ZFPM2: variants seen among roughly 807,000 people sequenced by gnomAD.
ZFPM2 encodes the protein zinc finger protein, FOG family member 2.
ZFPM2 carries 20 observed loss-of-function variants against 98.6 expected under a neutral mutation model. That is an observed-to-expected ratio of 0.20 (90% CI 0.14 to 0.29). The LOEUF is 0.29. Among genes scored for constraint, ZFPM2 ranks in the 10% least tolerant of loss-of-function variants. The pLI, the probability that ZFPM2 is intolerant of heterozygous loss-of-function variation, is 1.00. For missense variants in ZFPM2, 1,310 were observed against 1,388.6 expected (o/e 0.94, Z 0.90); for synonymous variants, 518 against 502.7 (o/e 1.03, Z -0.41).
At chr8:105,404,426 T>A (rs1378632381) in intron 1 of ZFPM2, among the ~76,000 whole-genome samples, 1 of 152,132 alleles carries the variant, frequency 6.6e-6, no homozygotes, top group African/African-American at 2.4e-5. Context: ...ATTTGACGTC[T>A]TATTACTTGG....
chr8:105,448,180 T>G (rs1366651263), intron 3 of ZFPM2, among the ~76,000 whole-genome samples: 1 of 151,904 alleles, frequency 6.6e-6, no homozygotes, highest in African/African-American at 2.4e-5. Context: ...TCAAGTCTGT[T>G]TTTTAATGTA....
intron 2 of ZFPM2, among the ~76,000 whole-genome samples, chr8:105,437,487 T>C (rs1054263327): frequency 1.7e-5 from 2 of 120,190 alleles, no homozygotes; most frequent in African/African-American, 8.0e-5. Flanking sequence ...AAAATTTTCA[T>C]CTTGACATTT....
At chr8:105,320,146 A>G (rs1263611091) in intron 1 of ZFPM2, among the ~76,000 whole-genome samples, 1 of 151,960 alleles carries the variant, frequency 6.6e-6, no homozygotes, top group Non-Finnish European at 1.5e-5. Context: ...CCACCCCCAA[A>G]TGTTGAAAAT....
At position 105,647,292 on chromosome 8, in the gene ZFPM2, A is replaced by G. The variant is rs545924953; in HGVS notation, c.532+12935A>G. 3.3e-5 allele frequency among the ~76,000 whole-genome samples: 5 copies of G among 152,262 alleles called. No homozygotes were observed. In the East Asian group the frequency reaches 9.7e-4, roughly 29 times the overall value. On this transcript the variant is annotated intron_variant, in intron 5 of 7. Transcript: ENST00000407775. ...TTCTTCTTTACTGTCGTTTTAGTAA[A>G]AGGAAGTAGAAATAAATGCATGCAA... is the stretch of plus-strand genomic sequence containing the variant.
At chr8:105,330,293 G>C (rs1812186980) in intron 1 of ZFPM2, among the ~76,000 whole-genome samples, 1 of 151,294 alleles carries the variant, frequency 6.6e-6, no homozygotes, top group African/African-American at 2.4e-5. Flanking sequence ...AGCAAATGCT[G>C]TAGGCTTAAT....
intron 1 of ZFPM2, among the ~76,000 whole-genome samples, chr8:105,328,705 T>C (rs1443434199): frequency 6.6e-6 from 1 of 151,918 alleles, no homozygotes; most frequent in East Asian, 1.9e-4. Context: ...GATAAAACTG[T>C]CTGAATTTGT....
At chr8:105,561,852 C>A (rs1815144517) in intron 4 of ZFPM2, among the ~76,000 whole-genome samples, 1 of 152,092 alleles carries the variant, frequency 6.6e-6, no homozygotes, top group Admixed American at 6.6e-5. Flanking sequence ...AAGAAATAAA[C>A]AACTTTGTTT....
At chr8:105,585,901 AG>A (rs891424135) in intron 4 of ZFPM2, among the ~76,000 whole-genome samples, 1 of 152,036 alleles carries the variant, frequency 6.6e-6, no homozygotes, top group African/African-American at 2.4e-5. Context: ...AAAAAATAGA[AG>A]GGATGTCTAA....
intron 1 of ZFPM2, among the ~76,000 whole-genome samples, chr8:105,322,041 C>G (rs555725959): frequency 2.6e-5 from 4 of 152,210 alleles, no homozygotes; most frequent in African/African-American, 9.6e-5. Flanking sequence ...TCTGCCCTCC[C>G]CTCAGAAGCT....
chr8:105,557,923 G>A (rs1815036789), intron 3 of ZFPM2, among the ~76,000 whole-genome samples: 1 of 152,090 alleles, frequency 6.6e-6, no homozygotes, highest in African/African-American at 2.4e-5. Context: ...GGAAAATCAT[G>A]CTATCATGGA....
Position 105,798,806 on chromosome 8 carries a change from T to C in ZFPM2, c.822T>C (p.Ser274=), listed in dbSNP as rs777185799. ...AGGCCCATTTGATGTACTACTGCAGTGGGAGGCAAAGAGAAGCTGCTCCGG... is the reference window on the plus strand; with the variant it reads ...AGGCCCATTTGATGTACTACTGCAGCGGGAGGCAAAGAGAAGCTGCTCCGG... ...NLQAHLMYYC[S]GRQREAAPVS... Residue 274 remains serine, a synonymous_variant, in exon 7 of 8, where the codon AGT becomes AGC. Coordinates refer to ENST00000407775, the MANE Select transcript of ZFPM2 (RefSeq NM_012082.4). 4 of 1,613,920 alleles carry C rather than the reference T, an allele frequency of 2.5e-6. No homozygotes were observed. The Admixed American group carries it at 5.0e-5, about 20-fold the overall frequency.
At chr8:105,775,754 C>T (rs1586254767) in intron 5 of ZFPM2, among the ~76,000 whole-genome samples, 1 of 152,150 alleles carries the variant, frequency 6.6e-6, no homozygotes, top group East Asian at 1.9e-4. Flanking sequence ...AGTGCCCCAC[C>T]GCAAGTTTCC....
At chr8:105,676,671 A>C (rs1810476705) in intron 5 of ZFPM2, among the ~76,000 whole-genome samples, 1 of 152,028 alleles carries the variant, frequency 6.6e-6, no homozygotes, top group Non-Finnish European at 1.5e-5. Context: ...AATATTTGAA[A>C]ATACCAAAAT....
intron 3 of ZFPM2, among the ~76,000 whole-genome samples, chr8:105,523,023 CTAG>C (rs898962288): frequency 6.6e-6 from 1 of 152,054 alleles, no homozygotes; most frequent in Non-Finnish European, 1.5e-5. Flanking sequence ...AATGCTAGGT[CTAG>C]TTCTTATTCT....
At chr8:105,682,183 T>G (rs1304706171) in intron 5 of ZFPM2, among the ~76,000 whole-genome samples, 1 of 152,146 alleles carries the variant, frequency 6.6e-6, no homozygotes, top group Non-Finnish European at 1.5e-5. Context: ...CACTCTGTAA[T>G]AAGTATCATG....
At chr8:105,728,170 T>G (rs758063263) in intron 5 of ZFPM2, among the ~76,000 whole-genome samples, 22 of 151,732 alleles carry the variant, frequency 1.4e-4, no homozygotes, top group Non-Finnish European at 2.5e-4. Context: ...ATTGTAATAG[T>G]ACTCATATTG....
intron 1 of ZFPM2, among the ~76,000 whole-genome samples, chr8:105,345,866 A>G (rs899182732): frequency 1.1e-4 from 16 of 152,152 alleles, no homozygotes; most frequent in South Asian, 6.2e-4. Flanking sequence ...GTACCATTAT[A>G]TTTTCCCACT....
At chr8:105,538,095 A>C (rs1382973538) in intron 3 of ZFPM2, among the ~76,000 whole-genome samples, 1 of 152,124 alleles carries the variant, frequency 6.6e-6, no homozygotes, top group African/African-American at 2.4e-5. Context: ...TTATATTCTT[A>C]ATAGTTTTGG....
chr8:105,442,168 C>T (rs1164447950), intron 2 of ZFPM2, among the ~76,000 whole-genome samples: 4 of 134,490 alleles, frequency 3.0e-5, no homozygotes, highest in Non-Finnish European at 4.6e-5. Context: ...CCCGTCTCTA[C>T]TAAAAATACA....
Sources: gnomAD v4.1 joint callset for allele counts (sites outside exome capture counted in the v4.1 genomes callset) on GRCh38, gnomAD v4.1.1 for gene constraint, MANE v1.5 for transcripts, NCBI Gene and HGNC (gene_info 2026-07-23, HGNC 2026-07-21) for gene names.